Variants in PRKN observed in about 807,000 individuals in gnomAD.
PRKN encodes the protein parkin RBR E3 ubiquitin protein ligase.
PRKN carries 56 observed loss-of-function variants against 59.5 expected under a neutral mutation model. That is an observed-to-expected ratio of 0.94 (90% CI 0.76 to 1.18). The LOEUF is 1.18. Ranked by LOEUF, PRKN falls within the 50% of genes most tolerant of loss-of-function variation. PRKN has a pLI of 0.00. For synonymous variants in PRKN, 250 were observed against 222.1 expected, an observed-to-expected ratio of 1.13 and a Z score of -1.12; for missense variants, 657 against 596.4, an observed-to-expected ratio of 1.10 and a Z score of -1.06.
chr6:161,510,929 G>T (rs951974245), intron 9 of PRKN, among the ~76,000 whole-genome samples: 1 of 152,148 alleles, frequency 6.6e-6, no homozygotes, highest in Non-Finnish European at 1.5e-5. Context: ...AAGGGAAATA[G>T]TTTTTGTTAT....
At chr6:162,209,162 T>C (rs544285725) in intron 3 of PRKN, among the ~76,000 whole-genome samples, 1 of 152,124 alleles carries the variant, frequency 6.6e-6, no homozygotes, top group Admixed American at 6.5e-5. Context: ...ACAGACAACC[T>C]ACAGAATGGG....
intron 2 of PRKN, among the ~76,000 whole-genome samples, chr6:162,301,032 A>C (rs73783471): frequency 6.6e-6 from 1 of 152,244 alleles, no homozygotes; most frequent in African/African-American, 2.4e-5. Context: ...TGAAAAAAAG[A>C]GATAATATAT....
intron 6 of PRKN, among the ~76,000 whole-genome samples, chr6:161,972,800 G>A (rs910839710): frequency 1.3e-5 from 2 of 152,218 alleles, no homozygotes; most frequent in Non-Finnish European, 2.9e-5. Context: ...GGGAGGCTGA[G>A]GTGGGCAGAT....
intron 2 of PRKN, among the ~76,000 whole-genome samples, chr6:162,402,125 T>C (rs534662866): frequency 2.6e-5 from 4 of 152,012 alleles, no homozygotes; most frequent in African/African-American, 4.8e-5. Flanking sequence ...GGCACACACC[T>C]GTAATTCCAG....
At chr6:161,679,359 G>A (rs1785212883) in intron 7 of PRKN, among the ~76,000 whole-genome samples, 1 of 152,112 alleles carries the variant, frequency 6.6e-6, no homozygotes, top group South Asian at 2.1e-4. Context: ...AATCCTGGGA[G>A]GGTCTGCTTC....
Position 162,531,092 on chromosome 6 carries a change from C to A in PRKN, c.8-87619G>T. Among the ~76,000 whole-genome samples, 2 of 149,470 alleles carry A rather than the reference C, an allele frequency of 1.3e-5. 1 individual carries two copies. Among genetic ancestry groups the A allele is most frequent in the Non-Finnish European group, 3.0e-5 (2 of 67,636 alleles). Reference sequence around the variant, plus strand: ...AAAAAAAAAAAATGTACAGGCCAGGCGTGGTGGTTCACGCCTGTAATCCCA... The same window carrying A: ...AAAAAAAAAAAATGTACAGGCCAGGAGTGGTGGTTCACGCCTGTAATCCCA... On this transcript the variant is annotated intron_variant, in intron 1 of 11. Coordinates refer to ENST00000366898, the MANE Select transcript of PRKN (RefSeq NM_004562.3).
chr6:161,489,931 G>C (rs1242327662), intron 9 of PRKN, among the ~76,000 whole-genome samples: 1 of 152,152 alleles, frequency 6.6e-6, no homozygotes, highest in Admixed American at 6.5e-5. Flanking sequence ...GATGGCTCCT[G>C]CCATACTGCT....
chr6:161,969,556 T>C (rs1469593882), intron 6 of PRKN, among the ~76,000 whole-genome samples: 1 of 152,036 alleles, frequency 6.6e-6, no homozygotes, highest in African/African-American at 2.4e-5. Context: ...AGTGAGGGCG[T>C]TGGCATAACA....
chr6:161,905,175 C>T (rs1036983574), intron 6 of PRKN, among the ~76,000 whole-genome samples: 9 of 152,194 alleles, frequency 5.9e-5, no homozygotes, highest in African/African-American at 7.2e-5. Flanking sequence ...GTTACATTTA[C>T]GTTTTATTCT....
At chr6:161,661,842 G>A (rs192187836) in intron 7 of PRKN, among the ~76,000 whole-genome samples, 1 of 152,206 alleles carries the variant, frequency 6.6e-6, no homozygotes, top group African/African-American at 2.4e-5. Flanking sequence ...GGCCAATATG[G>A]TGAAACCCCG....
At chr6:162,341,575 C>G (rs979471805) in intron 2 of PRKN, among the ~76,000 whole-genome samples, 6 of 152,044 alleles carry the variant, frequency 3.9e-5, no homozygotes, top group African/African-American at 1.5e-4. Context: ...TACTATGCAG[C>G]TATAAAAAAG....
At chr6:161,940,756 T>G (rs148901308) in intron 6 of PRKN, among the ~76,000 whole-genome samples, 1 of 152,176 alleles carries the variant, frequency 6.6e-6, no homozygotes, top group Non-Finnish European at 1.5e-5. Context: ...CTATGTGGCA[T>G]GTGGCAAGGG....
intron 3 of PRKN, among the ~76,000 whole-genome samples, chr6:162,219,166 G>C (rs1431059843): frequency 6.6e-6 from 1 of 152,094 alleles, no homozygotes; most frequent in Non-Finnish European, 1.5e-5. Context: ...ACTCCAGCCT[G>C]GGTAACAGAG....
At chr6:162,361,728 T>C (rs962838141) in intron 2 of PRKN, among the ~76,000 whole-genome samples, 2 of 152,188 alleles carry the variant, frequency 1.3e-5, no homozygotes, top group Non-Finnish European at 2.9e-5. Flanking sequence ...ATAGGTTTGA[T>C]GTTCTGCTCA....
At chr6:161,511,682 C>T (rs146424085) in intron 9 of PRKN, among the ~76,000 whole-genome samples, 1 of 152,272 alleles carries the variant, frequency 6.6e-6, no homozygotes, top group East Asian at 1.9e-4. Context: ...CACTGACCTG[C>T]CTAAGTGACC....
chr6:161,516,826 C>CAAAAA (rs369136348), intron 9 of PRKN, among the ~76,000 whole-genome samples: 13,085 of 62,830 alleles, frequency 0.21, 1,748 homozygotes, highest in East Asian at 0.39. Context: ...GACTCAATCT[C>CAAAAA]AAAAAAAAAA....
At chr6:161,557,939 T>C (rs1780300932) in intron 8 of PRKN, among the ~76,000 whole-genome samples, 1 of 152,160 alleles carries the variant, frequency 6.6e-6, no homozygotes, top group African/African-American at 2.4e-5. Context: ...ATTATAGCTT[T>C]TGTTACATCT....
chr6:162,472,723 C>T (rs1407473191), intron 1 of PRKN, among the ~76,000 whole-genome samples: 6 of 121,470 alleles, frequency 4.9e-5, no homozygotes, highest in African/African-American at 1.8e-4. Flanking sequence ...GATCTCCTGA[C>T]CTCATGATCC....
intron 1 of PRKN, among the ~76,000 whole-genome samples, chr6:162,497,570 T>C (rs1052442106): frequency 3.3e-5 from 5 of 152,196 alleles, no homozygotes; most frequent in Admixed American, 2.0e-4. Context: ...TCAAAACACT[T>C]AGAATCATTT....
Sources: allele counts gnomAD v4.1 joint callset (sites outside exome capture counted in the v4.1 genomes callset), GRCh38; gene constraint gnomAD v4.1.1; transcripts MANE v1.5; gene names NCBI Gene and HGNC (gene_info 2026-07-23, HGNC 2026-07-21).